The following GALNTL6 variants were observed in gnomAD, a reference collection of about 807,000 sequenced individuals.
GALNTL6 encodes polypeptide N-acetylgalactosaminyltransferase-like 6.
GALNTL6 carries 46 observed loss-of-function variants against 73.7 expected under a neutral mutation model. The ratio of observed to expected loss-of-function variants is 0.62; its 90% CI spans 0.49 to 0.80. The LOEUF is 0.80. GALNTL6 is among the 30% of genes least tolerant of loss of function. The pLI is 0.00. For missense variants in GALNTL6, 604 were observed against 755.0 expected (o/e 0.80, Z 2.34); for synonymous variants, 259 against 263.7 (o/e 0.98, Z 0.17).
chr4:172,926,028 G>A (rs1287507061), intron 8 of GALNTL6, among the ~76,000 whole-genome samples: 1 of 152,204 alleles, frequency 6.6e-6, no homozygotes, highest in Non-Finnish European at 1.5e-5. Context: ...CTATAGCAAA[G>A]TGCTACAGAC....
chr4:171,994,622 C>A (rs74574152), intron 2 of GALNTL6, among the ~76,000 whole-genome samples: 2 of 151,900 alleles, frequency 1.3e-5, no homozygotes, highest in East Asian at 1.9e-4. Flanking sequence ...CAGTAAAGAA[C>A]GTATCCATGT....
chr4:172,177,833 A>ACATATATGTGTGTATATATATACACACG (rs1735092123), intron 2 of GALNTL6, among the ~76,000 whole-genome samples: 1 of 72,044 alleles, frequency 1.4e-5, no homozygotes, highest in Non-Finnish European at 3.3e-5. Context: ...ATATACACAC[A>ACATATATGTGTGTATATATATACACACG]CATATATATG....
intron 2 of GALNTL6, among the ~76,000 whole-genome samples, chr4:171,878,066 T>C (rs1328436793): frequency 6.6e-6 from 1 of 152,212 alleles, no homozygotes; most frequent in African/African-American, 2.4e-5. Flanking sequence ...CTGTTTATAA[T>C]TCTAGACTTC....
At chr4:172,005,084 A>G (rs547702710) in intron 2 of GALNTL6, among the ~76,000 whole-genome samples, 63 of 150,826 alleles carry the variant, frequency 4.2e-4, no homozygotes, top group African/African-American at 1.5e-3. Context: ...TTTCTATTAG[A>G]AATAGCTTCT....
At chr4:172,279,414 AT>A (rs34748665) in intron 3 of GALNTL6, among the ~76,000 whole-genome samples, 1 of 152,028 alleles carries the variant, frequency 6.6e-6, no homozygotes, top group Admixed American at 6.6e-5. Flanking sequence ...TTCAATAGAC[AT>A]TTTTTCCAAA....
intron 10 of GALNTL6, among the ~76,000 whole-genome samples, chr4:172,993,684 GCT>G (rs984288692): frequency 6.6e-6 from 1 of 152,126 alleles, no homozygotes; most frequent in Non-Finnish European, 1.5e-5. Context: ...CTTTTGTTTT[GCT>G]CTGTTATCAT....
At chr4:172,375,279 G>C (rs1483868506) in intron 5 of GALNTL6, among the ~76,000 whole-genome samples, 1 of 152,274 alleles carries the variant, frequency 6.6e-6, no homozygotes, top group South Asian at 2.1e-4. Context: ...CAAGCTGCAG[G>C]ATAGTGTTGT....
At chr4:172,862,883 G>A in intron 7 of GALNTL6, among the ~76,000 whole-genome samples, 1 of 152,276 alleles carries the variant, frequency 6.6e-6, no homozygotes, top group African/African-American at 2.4e-5. Flanking sequence ...AGCCTAGGAG[G>A]AAAAAATGGT....
chr4:172,744,409 A>G (rs1310227481), intron 5 of GALNTL6, among the ~76,000 whole-genome samples: 1 of 152,104 alleles, frequency 6.6e-6, no homozygotes, highest in Non-Finnish European at 1.5e-5. Context: ...GCAATGTTGC[A>G]GTTATTTTTC....
intron 2 of GALNTL6, among the ~76,000 whole-genome samples, chr4:171,846,364 A>G: frequency 6.6e-6 from 1 of 152,148 alleles, no homozygotes; most frequent in Non-Finnish European, 1.5e-5. Context: ...ACTATTTCTT[A>G]TCTTCTCCTT....
intron 5 of GALNTL6, among the ~76,000 whole-genome samples, chr4:172,537,425 C>T (rs1735384201): frequency 6.6e-6 from 1 of 152,130 alleles, no homozygotes; most frequent in Non-Finnish European, 1.5e-5. Flanking sequence ...AAGGGGCTCC[C>T]CCAAGCTTTG....
At chr4:171,994,698 T>C (rs1414679494) in intron 2 of GALNTL6, among the ~76,000 whole-genome samples, 3 of 151,480 alleles carry the variant, frequency 2.0e-5, no homozygotes, top group Non-Finnish European at 4.4e-5. Flanking sequence ...GTTTTGTTGC[T>C]GTGTTATTGC....
intron 2 of GALNTL6, among the ~76,000 whole-genome samples, chr4:172,145,383 G>C (rs543383562): frequency 2.0e-5 from 3 of 151,982 alleles, no homozygotes; most frequent in Non-Finnish European, 4.4e-5. Context: ...CTCGTGATCC[G>C]CCCGCCTTGG....
chr4:172,768,029 G>A (rs368061640), intron 5 of GALNTL6, among the ~76,000 whole-genome samples: 1 of 151,984 alleles, frequency 6.6e-6, no homozygotes, highest in Non-Finnish European at 1.5e-5. Context: ...TTATTCTCAC[G>A]TTGCACACAT....
intron 5 of GALNTL6, among the ~76,000 whole-genome samples, chr4:172,660,514 G>T (rs765585097): frequency 2.0e-5 from 3 of 152,236 alleles, no homozygotes; most frequent in African/African-American, 7.2e-5. Flanking sequence ...AGTTCAGATT[G>T]CCCTTGCCTT....
chr4:172,781,850 G>T (rs1739384493), intron 5 of GALNTL6, among the ~76,000 whole-genome samples: 1 of 151,022 alleles, frequency 6.6e-6, no homozygotes, highest in South Asian at 2.1e-4. Context: ...TGGTTAATGG[G>T]CATGTATTAT....
chr4:172,696,572 T>C (rs57794025), intron 5 of GALNTL6, among the ~76,000 whole-genome samples: 10,305 of 152,172 alleles, frequency 0.068, 779 homozygotes, highest in African/African-American at 0.19. Context: ...CTTTTCCACA[T>C]TATACTTGTG....
intron 5 of GALNTL6, among the ~76,000 whole-genome samples, chr4:172,361,451 A>G (rs1454151837): frequency 1.3e-5 from 2 of 152,134 alleles, no homozygotes; most frequent in Non-Finnish European, 2.9e-5. Context: ...CAAAACAAAA[A>G]CAAAACAAAA....
chr4:171,865,370 G>A (rs1735943526), intron 2 of GALNTL6, among the ~76,000 whole-genome samples: 1 of 152,164 alleles, frequency 6.6e-6, no homozygotes, highest in African/African-American at 2.4e-5. Context: ...TGGTATGTGA[G>A]ACAGGCTTAT....
Sources: gnomAD v4.1 joint callset for allele counts (sites outside exome capture counted in the v4.1 genomes callset) on GRCh38, gnomAD v4.1.1 for gene constraint, MANE v1.5 for transcripts, NCBI Gene and HGNC (gene_info 2026-07-23, HGNC 2026-07-21) for gene names.